Variants in PSD3 observed in about 807,000 individuals in gnomAD.
The protein encoded by PSD3 is pleckstrin and Sec7 domain containing 3.
In PSD3, 49 loss-of-function variants were observed where a neutral mutation model predicts 105.5. The ratio of observed to expected loss-of-function variants is 0.46; its 90% confidence interval spans 0.37 to 0.59. PSD3 has a LOEUF of 0.59. Ranked by LOEUF, PSD3 falls within the 20% of genes least tolerant of loss-of-function variation. The pLI is 0.00. For missense variants in PSD3, 1,561 were observed against 1,263.8 expected (o/e 1.24, Z -3.57); for synonymous variants, 557 against 457.8 (o/e 1.22, Z -2.77).
rs973635236 is a variant in PSD3, at chr8:18,806,530, G to A, written c.1635-1632C>T. Among the ~76,000 whole-genome samples the A allele has an allele frequency of 2.6e-5, 4 of 152,086 alleles. No homozygotes were observed. In the East Asian group the frequency reaches 5.8e-4, roughly 22 times the overall value. On this transcript the variant is annotated intron_variant, in intron 4 of 15. Coordinates refer to ENST00000327040, the MANE Select transcript of PSD3 (RefSeq NM_015310.4). ...TGCTCATAATAAAATGTGCTTACAC[G>A]GCCTTCGAACACACTTACCACAGAT... is the stretch of plus-strand genomic sequence containing the variant.
chr8:18,701,568 T>G (rs959242366), intron 9 of PSD3, among the ~76,000 whole-genome samples: 14 of 152,204 alleles, frequency 9.2e-5, no homozygotes, highest in African/African-American at 3.1e-4. Flanking sequence ...CAAATGTGTA[T>G]GTACTAGTCT....
At chr8:19,076,403 C>A (rs188388006) in intron 1 of PSD3, among the ~76,000 whole-genome samples, 1 of 151,854 alleles carries the variant, frequency 6.6e-6, no homozygotes, top group Admixed American at 6.6e-5. Flanking sequence ...AGGAGATAGG[C>A]CAGAACAGAG....
chr8:18,970,210 A>C (rs978887808), intron 1 of PSD3, among the ~76,000 whole-genome samples: 1 of 150,282 alleles, frequency 6.7e-6, no homozygotes, highest in African/African-American at 2.4e-5. Flanking sequence ...CTGTAGTCCC[A>C]GCTACTCAGG....
At chr8:18,825,550 A>G (rs550431243) in intron 4 of PSD3, among the ~76,000 whole-genome samples, 117 of 152,344 alleles carry the variant, frequency 7.7e-4, no homozygotes, top group Non-Finnish European at 1.4e-3. Flanking sequence ...AGAGAATCCT[A>G]TTCACTGGTA....
chr8:18,554,029 GA>G (rs1463806172), intron 15 of PSD3, among the ~76,000 whole-genome samples: 1 of 152,200 alleles, frequency 6.6e-6, no homozygotes, highest in African/African-American at 2.4e-5. Flanking sequence ...GTCAGGGATT[GA>G]AAATGCTGGC....
rs113512420 is a variant in PSD3, at chr8:18,781,632, T to C, written c.2083-16094A>G. ...TTGACCCCTTTGCTGTATTTAGAAT[T>C]CTCTTTTTCTTGGACTTTTAACAGT... On this transcript the variant is annotated intron_variant, in intron 8 of 15. Transcript: ENST00000327040. Among the ~76,000 whole-genome samples the C allele has an allele frequency of 3.9e-3, 593 of 152,234 alleles. 6 individuals carry two copies. Among genetic ancestry groups the C allele is most frequent in the African/African-American group, 0.014 (570 of 41,498 alleles).
intron 9 of PSD3, among the ~76,000 whole-genome samples, chr8:18,669,563 G>A (rs1195298273): frequency 2.0e-5 from 3 of 152,186 alleles, no homozygotes; most frequent in African/African-American, 7.2e-5. Context: ...CTGAGGGCAG[G>A]GAGCATCCAC....
chr8:18,782,628 G>C (rs539004729), intron 8 of PSD3, among the ~76,000 whole-genome samples: 1 of 152,352 alleles, frequency 6.6e-6, no homozygotes, highest in East Asian at 1.9e-4. Context: ...AGGTCAGGAG[G>C]ACGAATCCTT....
chr8:18,854,312 G>C (rs1238994564), intron 4 of PSD3: 1 of 152,700 alleles, frequency 6.5e-6, no homozygotes, highest in East Asian at 1.9e-4. Context: ...ATACGAACTT[G>C]AAAGAAGTTG....
chr8:18,902,369 A>C (rs930111612), intron 2 of PSD3, among the ~76,000 whole-genome samples: 1 of 151,870 alleles, frequency 6.6e-6, no homozygotes, highest in Non-Finnish European at 1.5e-5. Context: ...CTCTTTGCTG[A>C]ATTTCTCATT....
chr8:18,975,371 C>A (rs558307924), intron 1 of PSD3, among the ~76,000 whole-genome samples: 1 of 146,868 alleles, frequency 6.8e-6, no homozygotes, highest in African/African-American at 2.6e-5. Context: ...AGCTAACTTA[C>A]TACTGATGTG....
chr8:18,964,683 C>T lies in PSD3; in HGVS notation c.22-28541G>A, dbSNP rs139764532. Among the ~76,000 whole-genome samples, 15 of 152,224 alleles carry T rather than the reference C, an allele frequency of 9.9e-5. No homozygotes were observed. The East Asian group carries it at 2.9e-3, about 29-fold the overall frequency. Reference sequence around the variant, plus strand: ...GAATGTCCTGAGTGGTTCCGAACTGCCTAATTTTCCCCAGAGAGGCACAAA... The same window carrying T: ...GAATGTCCTGAGTGGTTCCGAACTGTCTAATTTTCCCCAGAGAGGCACAAA... On this transcript the variant is annotated intron_variant, in intron 1 of 15. Coordinates refer to ENST00000327040, the MANE Select transcript of PSD3 (RefSeq NM_015310.4).
chr8:19,038,829 C>G (rs1412828383), intron 1 of PSD3, among the ~76,000 whole-genome samples: 1 of 152,136 alleles, frequency 6.6e-6, no homozygotes. Context: ...CTGGGCTAAG[C>G]AATTAAAATA....
At chr8:18,570,551 A>C (rs1196008520) in intron 14 of PSD3, among the ~76,000 whole-genome samples, 1 of 149,722 alleles carries the variant, frequency 6.7e-6, no homozygotes, top group African/African-American at 2.5e-5. Context: ...AATGGGAGAA[A>C]ATTTTCGCAA....
At chr8:19,032,763 G>A (rs1053750550) in intron 1 of PSD3, among the ~76,000 whole-genome samples, 3 of 151,710 alleles carry the variant, frequency 2.0e-5, no homozygotes, top group African/African-American at 7.3e-5. Flanking sequence ...GAAAATATTA[G>A]TAACTTATAG....
intron 11 of PSD3, among the ~76,000 whole-genome samples, chr8:18,628,835 G>A (rs934143915): frequency 6.6e-6 from 1 of 151,734 alleles, no homozygotes; most frequent in Non-Finnish European, 1.5e-5. Context: ...CAGGCCAATA[G>A]TGACAAAAAA....
chr8:18,799,051 C>T (rs570452679), intron 8 of PSD3: 3 of 424,852 alleles, frequency 7.1e-6, no homozygotes, highest in Non-Finnish European at 1.3e-5. Context: ...AAAGAAGACA[C>T]AGAACACACA....
At chr8:18,629,536 T>C (rs1806744767) in intron 11 of PSD3, among the ~76,000 whole-genome samples, 1 of 151,984 alleles carries the variant, frequency 6.6e-6, no homozygotes, top group African/African-American at 2.4e-5. Flanking sequence ...GAGAAACTAT[T>C]AATTCACACA....
intron 9 of PSD3, among the ~76,000 whole-genome samples, chr8:18,722,061 C>A (rs1803013245): frequency 6.6e-6 from 1 of 151,836 alleles, no homozygotes; most frequent in African/African-American, 2.4e-5. Context: ...GATTGTTGAG[C>A]CTTGTTTTTA....
Sources: gnomAD v4.1 joint callset for allele counts (sites outside exome capture counted in the v4.1 genomes callset) on GRCh38, gnomAD v4.1.1 for gene constraint, MANE v1.5 for transcripts, NCBI Gene and HGNC (gene_info 2026-07-23, HGNC 2026-07-21) for gene names.